ATF6: variants seen among roughly 807,000 people sequenced by gnomAD.
The protein encoded by ATF6 is cyclic AMP-dependent transcription factor ATF-6 alpha.
Under a neutral mutation model 83.6 loss-of-function variants are expected in ATF6, and 53 were observed. The observed-to-expected ratio is 0.63, with a 90% CI of 0.51 to 0.80. The LOEUF is 0.80. Among genes scored for constraint, ATF6 ranks in the 30% least tolerant of loss-of-function variants. The probability of loss-of-function intolerance (pLI) is 0.00; values close to 1 mark genes in which losing one functional copy is unlikely to be tolerated. For missense variants in ATF6, 744 were observed against 797.9 expected (o/e 0.93, Z 0.81); for synonymous variants, 288 against 285.8 (o/e 1.01, Z -0.08).
chr1:161,831,799 G>T (rs1262826613), intron 9 of ATF6, among the ~76,000 whole-genome samples: 2 of 114,842 alleles, frequency 1.7e-5, no homozygotes, highest in East Asian at 6.3e-4. Context: ...CTGTGGTGGG[G>T]TCGGGGGAGG....
At chr1:161,844,773 T>C (rs2101817065) in intron 9 of ATF6, among the ~76,000 whole-genome samples, 1 of 152,308 alleles carries the variant, frequency 6.6e-6, no homozygotes, top group African/African-American at 2.4e-5. Flanking sequence ...TTAGTTGTCA[T>C]CACACTCTTC....
At chr1:161,850,704 A>G (rs1197332584) in intron 10 of ATF6, among the ~76,000 whole-genome samples, 1 of 152,196 alleles carries the variant, frequency 6.6e-6, no homozygotes, top group Non-Finnish European at 1.5e-5. Context: ...TGAATAAATG[A>G]AAAGTGTGAG....
At chr1:161,906,687 C>A (rs1428599592) in intron 14 of ATF6, among the ~76,000 whole-genome samples, 2 of 152,148 alleles carry the variant, frequency 1.3e-5, no homozygotes, top group African/African-American at 4.8e-5. Flanking sequence ...AAAGTGTAAA[C>A]CTTGGCTCAT....
intron 1 of ATF6, among the ~76,000 whole-genome samples, chr1:161,769,765 A>G (rs1416731715): frequency 6.6e-6 from 1 of 151,976 alleles, no homozygotes; most frequent in Non-Finnish European, 1.5e-5. Context: ...CGTGCACTCT[A>G]GATCCCTCAC....
chr1:161,865,463 T>A (rs1463336637), intron 14 of ATF6, among the ~76,000 whole-genome samples: 1 of 152,176 alleles, frequency 6.6e-6, no homozygotes, highest in Non-Finnish European at 1.5e-5. Context: ...CAACCAATCC[T>A]AGCTTTAAAC....
chr1:161,885,131 G>C (rs190338995), intron 14 of ATF6, among the ~76,000 whole-genome samples: 1 of 152,300 alleles, frequency 6.6e-6, no homozygotes, highest in East Asian at 1.9e-4. Flanking sequence ...ACAGCACTGA[G>C]CTACAGATTA....
chr1:161,790,572 G>A (rs1366527344), intron 4 of ATF6, among the ~76,000 whole-genome samples: 1 of 152,120 alleles, frequency 6.6e-6, no homozygotes, highest in Non-Finnish European at 1.5e-5. Context: ...CACGTTGGGA[G>A]GCTGAGGTGG....
chr1:161,833,815 A>G (rs1292063464), intron 9 of ATF6, among the ~76,000 whole-genome samples: 18 of 152,332 alleles, frequency 1.2e-4, no homozygotes, highest in Admixed American at 6.5e-4. Flanking sequence ...GAATGGAACC[A>G]AGTTGGAAAA....
chr1:161,942,318 G>A (rs1274450323), intron 15 of ATF6, among the ~76,000 whole-genome samples: 1 of 152,198 alleles, frequency 6.6e-6, no homozygotes, highest in Non-Finnish European at 1.5e-5. Flanking sequence ...AGACTGTGAG[G>A]CAGTGGAAGG....
At position 161,851,758 on chromosome 1, in the gene ATF6, G is replaced by A. The variant is rs370895758; in HGVS notation, c.1356G>A (p.Met452Ile). Residue 452 changes from methionine to isoleucine, a missense_variant, in exon 11 of 16, where the codon ATG becomes ATA. Met to Ile is a conservative substitution (Grantham distance 10, BLOSUM62 1). Transcript: ENST00000367942. ...DHSVSNDKALMVLTEEPLLYI... is the reference protein window; with the variant it reads ...DHSVSNDKALIVLTEEPLLYI... ...CTGTTTCAAATGACAAAGCCCTGAT[G>A]GTGCTAACTGAAGAACCATTGCTTT... The A allele has an allele frequency of 7.4e-6, 12 of 1,613,516 alleles. No homozygotes were observed. Among genetic ancestry groups the A allele is most frequent in the Non-Finnish European group, 1.0e-5 (12 of 1,179,732 alleles).
At chr1:161,934,324 C>G (rs1444223432) in intron 15 of ATF6, among the ~76,000 whole-genome samples, 1 of 152,076 alleles carries the variant, frequency 6.6e-6, no homozygotes, top group Non-Finnish European at 1.5e-5. Flanking sequence ...TAAGAAGCAC[C>G]AAAGAATTAG....
chr1:161,783,905 A>T, intron 3 of ATF6, 85 bp from the exon 4 acceptor site: 1 of 987,620 alleles, frequency 1.0e-6, no homozygotes, highest in Non-Finnish European at 1.5e-6. Flanking sequence ...TTGAATTTTA[A>T]AAGTAGATTT....
At chr1:161,833,363 G>A (rs1442286508) in intron 9 of ATF6, among the ~76,000 whole-genome samples, 1 of 152,164 alleles carries the variant, frequency 6.6e-6, no homozygotes. Flanking sequence ...CTCCTCCAAA[G>A]GAACGCAGCT....
At chr1:161,893,985 TC>T (rs1483988585) in intron 14 of ATF6, among the ~76,000 whole-genome samples, 1 of 152,190 alleles carries the variant, frequency 6.6e-6, no homozygotes, top group Non-Finnish European at 1.5e-5. Flanking sequence ...TTCACCTTTT[TC>T]CAACTCTGTA....
chr1:161,843,162 G>A (rs991382727), intron 9 of ATF6, among the ~76,000 whole-genome samples: 8 of 152,152 alleles, frequency 5.3e-5, no homozygotes, highest in African/African-American at 1.2e-4. Flanking sequence ...CCATTTAGAC[G>A]TGCCAGTTAA....
intron 15 of ATF6, among the ~76,000 whole-genome samples, chr1:161,929,512 C>A (rs1452028056): frequency 6.6e-6 from 1 of 152,160 alleles, no homozygotes; most frequent in East Asian, 1.9e-4. Context: ...ACCCTAGTTA[C>A]AAGGAAGTCT....
intron 15 of ATF6, among the ~76,000 whole-genome samples, chr1:161,936,293 C>A (rs1688534969): frequency 1.2e-5 from 1 of 86,738 alleles, no homozygotes; most frequent in Admixed American, 9.6e-5. Context: ...AGATGTTTTT[C>A]TTTTTAATTT....
intron 14 of ATF6, chr1:161,890,683 A>T: frequency 6.6e-6 from 1 of 152,324 alleles, no homozygotes; most frequent in African/African-American, 2.4e-5. Context: ...GATTGGCCCC[A>T]AACCTCAGCA....
rs575629390 is a variant in ATF6 at position 161,860,183 on chromosome 1, CTT to C, written c.1534-12_1534-11del. 1,573 of 1,189,678 alleles carry C rather than the reference CTT, an allele frequency of 1.3e-3. No homozygotes were observed. The highest frequency in any genetic ancestry group is 2.9e-3 in the South Asian group (189 of 65,546). The allele number at this position is 1,189,678 out of a possible 1,614,324, so 73.7% of individuals were successfully genotyped here. A position where few individuals can be genotyped will look rare whatever the true frequency, so the allele number is the denominator to read the frequency against. The stretch of plus-strand genomic sequence containing the variant: ...TATAATTTTGTGATACAGTATTAAA[CTT>C]TTTTTTTTTTTAATATTCCAGGGTG... On this transcript the variant is annotated intron_variant, in intron 12 of 15. Transcript: ENST00000367942.
Sources: gnomAD v4.1 joint callset for allele counts (sites outside exome capture counted in the v4.1 genomes callset) on GRCh38, gnomAD v4.1.1 for gene constraint, MANE v1.5 for transcripts, NCBI Gene and HGNC (gene_info 2026-07-23, HGNC 2026-07-21) for gene names.